Variants in TAFA4 observed in about 807,000 individuals in gnomAD.
The protein encoded by TAFA4 is TAFA chemokine like family member 4.
TAFA4 carries 20 observed loss-of-function variants against 21.1 expected under a neutral mutation model. That is an observed-to-expected ratio of 0.95 (90% confidence interval 0.67 to 1.38). The LOEUF is 1.38. Ranked by LOEUF, TAFA4 falls within the 40% of genes most tolerant of loss-of-function variation. The pLI, the probability that TAFA4 is intolerant of heterozygous loss-of-function variation, is 0.00. For missense variants in TAFA4, 211 were observed against 180.9 expected (o/e 1.17, Z -0.95); for synonymous variants, 71 against 67.4 (o/e 1.05, Z -0.26).
chr3:68,816,066 C>CA lies in TAFA4; in HGVS notation c.131-63049dup, dbSNP rs1313574988. On this transcript the variant is annotated intron_variant, in intron 3 of 5. Transcript: ENST00000295569. ...CATTCTCAGCAAACTATCACAAGGACAAAAAACCAAACACCGCATGTTCTA... is the reference window on the plus strand; with the variant it reads ...CATTCTCAGCAAACTATCACAAGGACAAAAAAACCAAACACCGCATGTTCTA... Among the ~76,000 whole-genome samples the CA allele has an allele frequency of 4.6e-5, 7 of 151,416 alleles. No individual in the cohort carries two copies. The South Asian group carries it at 8.4e-4, about 18-fold the overall frequency.
chr3:68,849,787 A>G (rs1251251495), intron 3 of TAFA4, among the ~76,000 whole-genome samples: 3 of 152,200 alleles, frequency 2.0e-5, no homozygotes, highest in Admixed American at 1.3e-4. Flanking sequence ...TTCACATTGT[A>G]TCTTACTCAG....
chr3:68,820,585 G>C (rs114918542), intron 3 of TAFA4, among the ~76,000 whole-genome samples: 396 of 152,198 alleles, frequency 2.6e-3, no homozygotes, highest in Non-Finnish European at 4.5e-3. Flanking sequence ...AGGATTACTT[G>C]AACCTAGGAG....
intron 3 of TAFA4, among the ~76,000 whole-genome samples, chr3:68,823,742 G>A (rs146287468): frequency 6.2e-4 from 95 of 152,244 alleles, no homozygotes; most frequent in African/African-American, 2.2e-3. Context: ...TGAGGATAAT[G>A]GCTTCCAGCT....
chr3:68,741,054 T>G (rs1424522027), intron 4 of TAFA4, among the ~76,000 whole-genome samples: 1 of 152,214 alleles, frequency 6.6e-6, no homozygotes, highest in Non-Finnish European at 1.5e-5. Context: ...AACTATAGCT[T>G]TGTAATATAA....
intron 3 of TAFA4, among the ~76,000 whole-genome samples, chr3:68,826,720 C>A (rs1172843505): frequency 6.6e-6 from 1 of 151,882 alleles, no homozygotes; most frequent in African/African-American, 2.4e-5. Flanking sequence ...AAAGAGGAGG[C>A]ACAAAATAGT....
chr3:68,792,646 C>G (rs564496012), intron 3 of TAFA4, among the ~76,000 whole-genome samples: 1 of 152,330 alleles, frequency 6.6e-6, no homozygotes, highest in East Asian at 1.9e-4. Context: ...TATTCTATCT[C>G]TTGCCCTGCT....
At chr3:68,903,722 G>A (rs770718059) in intron 1 of TAFA4, among the ~76,000 whole-genome samples, 12 of 152,234 alleles carry the variant, frequency 7.9e-5, no homozygotes, top group Non-Finnish European at 1.8e-4. Context: ...TGTCACAGGG[G>A]TTTGATGTAC....
chr3:68,848,089 T>C (rs1241748187), intron 3 of TAFA4, among the ~76,000 whole-genome samples: 2 of 152,234 alleles, frequency 1.3e-5, no homozygotes, highest in Non-Finnish European at 2.9e-5. Flanking sequence ...GTAGATGCTA[T>C]TATTATCTTC....
chr3:68,818,352 T>A (rs1704033835), intron 3 of TAFA4, among the ~76,000 whole-genome samples: 1 of 152,212 alleles, frequency 6.6e-6, no homozygotes, highest in Non-Finnish European at 1.5e-5. Context: ...GATTAAACTT[T>A]CTCCATATCT....
chr3:68,799,495 C>T (rs986917326), intron 3 of TAFA4, among the ~76,000 whole-genome samples: 6 of 152,176 alleles, frequency 3.9e-5, no homozygotes, highest in African/African-American at 1.2e-4. Flanking sequence ...GAGGGATCCA[C>T]AAACATTCAG....
At chr3:68,813,200 C>T (rs1170943229) in intron 3 of TAFA4, among the ~76,000 whole-genome samples, 2 of 151,872 alleles carry the variant, frequency 1.3e-5, no homozygotes, top group Non-Finnish European at 2.9e-5. Context: ...ATTTATAGCA[C>T]TAAATGCCCA....
At chr3:68,782,465 T>C (rs1703171222) in intron 3 of TAFA4, among the ~76,000 whole-genome samples, 1 of 151,974 alleles carries the variant, frequency 6.6e-6, no homozygotes, top group Non-Finnish European at 1.5e-5. Context: ...TTACTCAAAA[T>C]AGCCAAAAGG....
At chr3:68,735,626 AG>A (rs1702228640) in intron 5 of TAFA4, among the ~76,000 whole-genome samples, 1 of 152,198 alleles carries the variant, frequency 6.6e-6, no homozygotes, top group African/African-American at 2.4e-5. Flanking sequence ...TGATGGCCTA[AG>A]GGACAGGCAG....
At chr3:68,767,617 G>A (rs935378242) in intron 3 of TAFA4, among the ~76,000 whole-genome samples, 5 of 151,898 alleles carry the variant, frequency 3.3e-5, no homozygotes, top group Non-Finnish European at 7.4e-5. Context: ...AATTGCAACT[G>A]AACAGTGGAA....
intron 3 of TAFA4, among the ~76,000 whole-genome samples, chr3:68,871,031 G>A (rs1175585211): frequency 6.6e-6 from 1 of 152,112 alleles, no homozygotes; most frequent in East Asian, 1.9e-4. Context: ...AGTTAGAATG[G>A]CGATCATTAA....
At chr3:68,738,555 A>G (rs1702285993) in intron 5 of TAFA4, among the ~76,000 whole-genome samples, 1 of 152,186 alleles carries the variant, frequency 6.6e-6, no homozygotes, top group Non-Finnish European at 1.5e-5. Context: ...AATGTAACCA[A>G]CTGAACATAG....
intron 1 of TAFA4, among the ~76,000 whole-genome samples, chr3:68,931,870 A>T (rs1308991137): frequency 6.6e-6 from 1 of 152,202 alleles, no homozygotes; most frequent in Non-Finnish European, 1.5e-5. Context: ...CGACTTGTCC[A>T]GAAAAGAGCT....
intron 4 of TAFA4, among the ~76,000 whole-genome samples, chr3:68,746,220 GGT>G (rs1702455923): frequency 6.6e-6 from 1 of 152,034 alleles, no homozygotes; most frequent in Non-Finnish European, 1.5e-5. Context: ...TGAGGTTTTG[GGT>G]CTAGGACTGG....
intron 1 of TAFA4, among the ~76,000 whole-genome samples, chr3:68,906,063 G>A (rs1398951768): frequency 6.6e-6 from 1 of 152,228 alleles, no homozygotes; most frequent in Non-Finnish European, 1.5e-5. Context: ...ATCTGAGGAA[G>A]AAAAGGAGCA....
Sources: allele counts gnomAD v4.1 joint callset (sites outside exome capture counted in the v4.1 genomes callset), GRCh38; gene constraint gnomAD v4.1.1; transcripts MANE v1.5; gene names NCBI Gene and HGNC (gene_info 2026-07-23, HGNC 2026-07-21).